The following GAS7 variants were observed in gnomAD, a reference collection of about 807,000 sequenced individuals.
GAS7 encodes the protein growth arrest-specific protein 7.
In GAS7, 28 loss-of-function variants were observed where a neutral mutation model predicts 71.1. The observed-to-expected ratio is 0.39, with a 90% confidence interval of 0.29 to 0.54. The LOEUF (loss-of-function observed/expected upper bound fraction) is 0.54, where lower values mean the gene tolerates loss of function less well. GAS7 is among the 20% of genes least tolerant of loss of function. GAS7 has a pLI of 0.62. For synonymous variants in GAS7, 258 were observed against 245.8 expected (o/e 1.05, Z -0.46); for missense variants, 436 against 627.8 (o/e 0.69, Z 3.27).
At chr17:10,044,342 C>T (rs765887846) in intron 1 of GAS7, among the ~76,000 whole-genome samples, 6 of 152,320 alleles carry the variant, frequency 3.9e-5, no homozygotes, top group Non-Finnish European at 1.5e-5. Context: ...CACCTGAGCT[C>T]ACTGCAATAA....
At chr17:9,991,372 T>C (rs953315126) in intron 2 of GAS7, among the ~76,000 whole-genome samples, 6 of 152,112 alleles carry the variant, frequency 3.9e-5, no homozygotes, top group Non-Finnish European at 8.8e-5. Flanking sequence ...GCTTACAAAA[T>C]TCTTAGGGCA....
At position 10,030,028 on chromosome 17, in the gene GAS7, A is replaced by C. The variant is rs150234971; in HGVS notation, c.184-10131T>G. On this transcript the variant is annotated intron_variant, in intron 1 of 13. Transcript: ENST00000432992. ...TTGTCCCTCCTGCCAAATATCAGGT[A>C]TCAGGTACCTGACCAGTTGGCATCC... 1.2e-3 allele frequency among the ~76,000 whole-genome samples: 187 copies of C among 152,230 alleles called. 3 individuals are homozygous for C. The highest frequency in any genetic ancestry group is 6.3e-3 in the Admixed American group (97 of 15,304).
intron 2 of GAS7, among the ~76,000 whole-genome samples, chr17:9,986,260 C>T (rs1411478015): frequency 6.6e-6 from 1 of 152,192 alleles, no homozygotes; most frequent in Non-Finnish European, 1.5e-5. Context: ...GCCACCACCC[C>T]TTTGGTGGCT....
intron 5 of GAS7, among the ~76,000 whole-genome samples, chr17:9,951,513 T>C (rs1375050067): frequency 6.6e-6 from 1 of 152,026 alleles, no homozygotes; most frequent in Non-Finnish European, 1.5e-5. Context: ...TCCCAGCACT[T>C]TGGGAGGCCG....
intron 8 of GAS7, among the ~76,000 whole-genome samples, 173 bp downstream of exon 8, chr17:9,939,953 G>A (rs1302330077): frequency 6.6e-6 from 1 of 152,112 alleles, no homozygotes; most frequent in African/African-American, 2.4e-5. Flanking sequence ...AGTCATGGGT[G>A]CCCACCCAAG....
chr17:10,107,892 G>A (rs12449665), intron 1 of GAS7, among the ~76,000 whole-genome samples: 58,381 of 148,342 alleles, frequency 0.39, 11,854 homozygotes, highest in African/African-American at 0.51. Flanking sequence ...CAGGGGAACT[G>A]CCTTACACAG....
chr17:10,079,928 A>G (rs183031941), intron 1 of GAS7, among the ~76,000 whole-genome samples: 17 of 152,334 alleles, frequency 1.1e-4, no homozygotes, highest in Admixed American at 9.8e-4. Flanking sequence ...AGAGTAAAAG[A>G]CTTATATGGA....
At chr17:10,182,677 C>A (rs1384283699) in intron 1 of GAS7, among the ~76,000 whole-genome samples, 1 of 152,162 alleles carries the variant, frequency 6.6e-6, no homozygotes, top group Non-Finnish European at 1.5e-5. Flanking sequence ...CAGCAAGGAC[C>A]TGAGAGTTCC....
In GAS7 at chr17:9,926,506, G is replaced by A. The variant is rs1328042050; in HGVS notation, c.1014+135C>T. On this transcript the variant is annotated intron_variant, in intron 10 of 13. Transcript: ENST00000432992. The surrounding 1 kb of genome is among the most constrained non-coding windows in gnomAD (Gnocchi z 5.0). ...GTGCTCTGGCGTAGGCACGAGGCTT[G>A]GACATCCCCCTATTCCCCTACCTGG... 1 of 927,474 alleles carries A rather than the reference G, an allele frequency of 1.1e-6. No individual in the cohort carries two copies. 57.5% of individuals were successfully genotyped at this position (927,474 alleles called of 1,614,324 possible).
intron 2 of GAS7, among the ~76,000 whole-genome samples, chr17:10,019,310 T>C (rs1025472443): frequency 2.6e-5 from 4 of 152,158 alleles, no homozygotes; most frequent in Non-Finnish European, 5.9e-5. Flanking sequence ...AAAGATGACG[T>C]TGTAGTGAAA....
intron 8 of GAS7, among the ~76,000 whole-genome samples, chr17:9,938,470 CAAA>C (rs34813185): frequency 1.9e-3 from 127 of 65,182 alleles, no homozygotes; most frequent in African/African-American, 5.9e-3. Flanking sequence ...GACTCTGTCT[CAAA>C]AAAAAAAAAA....
chr17:10,090,964 T>C (rs2073575810), intron 1 of GAS7, among the ~76,000 whole-genome samples: 1 of 152,064 alleles, frequency 6.6e-6, no homozygotes, highest in Non-Finnish European at 1.5e-5. Flanking sequence ...AAGAAGGCTT[T>C]TCTCTCCCCA....
intron 1 of GAS7, among the ~76,000 whole-genome samples, chr17:10,022,363 G>C (rs180716458): frequency 6.6e-6 from 1 of 152,292 alleles, no homozygotes; most frequent in African/African-American, 2.4e-5. Flanking sequence ...AAATATTCTA[G>C]TTTCTCCTTC....
chr17:9,943,559 C>T (rs1442424962), intron 6 of GAS7, among the ~76,000 whole-genome samples: 2 of 152,230 alleles, frequency 1.3e-5, no homozygotes, highest in African/African-American at 4.8e-5. Flanking sequence ...CGACTTCCAA[C>T]CAGGTGGCTG....
At chr17:10,092,484 T>C (rs1403919733) in intron 1 of GAS7, among the ~76,000 whole-genome samples, 1 of 152,230 alleles carries the variant, frequency 6.6e-6, no homozygotes, top group African/African-American at 2.4e-5. Flanking sequence ...TGAATGAATG[T>C]CCATGCAGAT....
intron 1 of GAS7, among the ~76,000 whole-genome samples, chr17:10,043,922 G>GA (rs2072909094): frequency 6.6e-6 from 1 of 152,160 alleles, no homozygotes; most frequent in South Asian, 2.1e-4. Context: ...AACAGAGTGA[G>GA]ACCCTGTCTC....
chr17:10,132,684 C>T (rs560109060), intron 1 of GAS7, among the ~76,000 whole-genome samples: 4 of 152,154 alleles, frequency 2.6e-5, no homozygotes, highest in East Asian at 3.9e-4. Context: ...ACGAGAGTCG[C>T]TTGAACCCAG....
intron 1 of GAS7, among the ~76,000 whole-genome samples, chr17:10,139,331 A>G (rs1475448856): frequency 6.6e-6 from 1 of 152,226 alleles, no homozygotes; most frequent in African/African-American, 2.4e-5. Flanking sequence ...TACAAGCCCT[A>G]CGTGAAGAAA....
chr17:10,059,020 C>T (rs1433800242), intron 1 of GAS7, among the ~76,000 whole-genome samples: 1 of 152,238 alleles, frequency 6.6e-6, no homozygotes, highest in Non-Finnish European at 1.5e-5. Context: ...CGCTGTATCC[C>T]CTTTCACTGT....
Sources: gnomAD v4.1 joint callset for allele counts (sites outside exome capture counted in the v4.1 genomes callset) on GRCh38, gnomAD v4.1.1 for gene constraint, Gnocchi (gnomAD v3.1) non-coding constraint, MANE v1.5 for transcripts, NCBI Gene and HGNC (gene_info 2026-07-23, HGNC 2026-07-21) for gene names.